The following AHI1 variants were observed in gnomAD, a reference collection of about 807,000 sequenced individuals.
The protein encoded by AHI1 is Abelson helper integration site 1.
A neutral mutation model predicts 149.3 loss-of-function variants in AHI1; 123 were observed. The ratio of observed to expected loss-of-function variants is 0.82; its 90% CI spans 0.71 to 0.96. The LOEUF (loss-of-function observed/expected upper bound fraction) is 0.96, where lower values mean the gene tolerates loss of function less well. Ranked by LOEUF, AHI1 falls within the 40% of genes least tolerant of loss-of-function variation. The pLI, the probability that AHI1 is intolerant of heterozygous loss-of-function variation, is 0.00. For synonymous variants in AHI1, 475 were observed against 459.8 expected, an observed-to-expected ratio of 1.03 and a Z score of -0.42; for missense variants, 1,439 against 1,422.7, an observed-to-expected ratio of 1.01 and a Z score of -0.18.
intron 3 of AHI1, 181 bp from the exon 4 acceptor site, chr6:135,492,472 G>A: frequency 8.2e-7 from 1 of 1,220,114 alleles, no homozygotes. Flanking sequence ...TCAGTTTAGG[G>A]CTCTAAAATC....
intron 20 of AHI1, among the ~76,000 whole-genome samples, chr6:135,412,102 A>G (rs1781684552): frequency 6.6e-6 from 1 of 152,150 alleles, no homozygotes; most frequent in South Asian, 2.1e-4. Context: ...CTTATACTGA[A>G]TACAGTTGGT....
intron 26 of AHI1, among the ~76,000 whole-genome samples, chr6:135,313,625 G>A (rs1785512708): frequency 6.6e-6 from 1 of 152,166 alleles, no homozygotes; most frequent in African/African-American, 2.4e-5. Flanking sequence ...AAAGTCATAG[G>A]AAATTTGAAA....
At chr6:135,333,963 C>T (rs1295738180) in intron 24 of AHI1, among the ~76,000 whole-genome samples, 2 of 152,150 alleles carry the variant, frequency 1.3e-5, no homozygotes, top group African/African-American at 4.8e-5. Context: ...TGTGATCACA[C>T]ATTAACTGAA....
intron 27 of AHI1, among the ~76,000 whole-genome samples, chr6:135,294,535 T>TC (rs1782810866): frequency 6.9e-6 from 1 of 144,768 alleles, no homozygotes; most frequent in Admixed American, 6.9e-5. Context: ...CAAACAACCC[T>TC]CCCCCCAAAA....
At chr6:135,367,330 G>A (rs532933386) in intron 23 of AHI1, among the ~76,000 whole-genome samples, 1 of 152,226 alleles carries the variant, frequency 6.6e-6, no homozygotes, top group African/African-American at 2.4e-5. Context: ...ACCTGATGAT[G>A]TGACTAGGTG....
At chr6:135,332,087 T>C (rs948030736) in intron 24 of AHI1, among the ~76,000 whole-genome samples, 8 of 151,536 alleles carry the variant, frequency 5.3e-5, no homozygotes, top group Non-Finnish European at 1.0e-4. Context: ...TTTTTTTTTT[T>C]CAGACGGAGT....
At position 135,330,745 on chromosome 6, in the gene AHI1, A is replaced by G. The variant is rs372352071; in HGVS notation, c.3166-7421T>C. 1.8e-4 allele frequency among the ~76,000 whole-genome samples: 27 copies of G among 152,338 alleles called. 1 individual carries two copies. The East Asian group carries it at 2.3e-3, about 13-fold the overall frequency. On this transcript the variant is annotated intron_variant, in intron 24 of 28. Coordinates refer to ENST00000265602, the MANE Select transcript of AHI1 (RefSeq NM_001134831.2). ...TTAGGATTATTCCCTTAACACACTG[A>G]AGGACAAAAACAGCGTGGCTCACGG...
At chr6:135,483,313 T>C (rs556838311) in intron 5 of AHI1, among the ~76,000 whole-genome samples, 9 of 152,288 alleles carry the variant, frequency 5.9e-5, no homozygotes, top group East Asian at 5.8e-4. Context: ...AGCACTTATA[T>C]AGGTGAATGA....
chr6:135,343,626 CA>C (rs1247204946), intron 24 of AHI1, among the ~76,000 whole-genome samples: 1 of 148,260 alleles, frequency 6.7e-6, no homozygotes, highest in Non-Finnish European at 1.5e-5. Context: ...GTGCCAAGAC[CA>C]TTAAAAGGAA....
intron 24 of AHI1, among the ~76,000 whole-genome samples, chr6:135,355,910 C>G (rs1376053467): frequency 6.7e-6 from 1 of 148,382 alleles, no homozygotes; most frequent in African/African-American, 2.6e-5. Context: ...AAAAAACAAA[C>G]AAACAAACAA....
chr6:135,452,664 C>G (rs928738260), intron 11 of AHI1, among the ~76,000 whole-genome samples: 3 of 152,018 alleles, frequency 2.0e-5, no homozygotes, highest in Non-Finnish European at 4.4e-5. Flanking sequence ...ACTGAGAAGA[C>G]CTCATCATAA....
intron 11 of AHI1, among the ~76,000 whole-genome samples, chr6:135,451,109 C>T (rs1183064638): frequency 6.6e-6 from 1 of 151,974 alleles, no homozygotes; most frequent in African/African-American, 2.4e-5. Flanking sequence ...CAATCCTCCC[C>T]GCTCAGCCTC....
At chr6:135,354,696 T>C (rs1364658620) in intron 24 of AHI1, among the ~76,000 whole-genome samples, 3 of 152,192 alleles carry the variant, frequency 2.0e-5, no homozygotes, top group Non-Finnish European at 4.4e-5. Flanking sequence ...GATAAGCAAG[T>C]GCAGAGGGAC....
At chr6:135,478,720 CA>C (rs1298708172) in intron 5 of AHI1, among the ~76,000 whole-genome samples, 1 of 152,152 alleles carries the variant, frequency 6.6e-6, no homozygotes, top group African/African-American at 2.4e-5. Context: ...AAAGAAAAGC[CA>C]AATGTTAATA....
At chr6:135,376,146 A>C (rs1489470842) in intron 23 of AHI1, among the ~76,000 whole-genome samples, 1 of 152,144 alleles carries the variant, frequency 6.6e-6, no homozygotes, top group Non-Finnish European at 1.5e-5. Flanking sequence ...TCTACTGAAG[A>C]ATAAGGTGAT....
intron 4 of AHI1, among the ~76,000 whole-genome samples, chr6:135,491,602 A>G (rs1795255876): frequency 6.6e-6 from 1 of 152,366 alleles, no homozygotes; most frequent in Middle Eastern, 3.4e-3. Context: ...ATCTATATAA[A>G]GAAACATATT....
chr6:135,450,216 A>G (rs1167547996), intron 11 of AHI1, among the ~76,000 whole-genome samples: 1 of 152,214 alleles, frequency 6.6e-6, no homozygotes, highest in Non-Finnish European at 1.5e-5. Context: ...AAGAAAACCA[A>G]GGTAACAGAG....
At chr6:135,321,295 T>C (rs1342444033) in intron 25 of AHI1, among the ~76,000 whole-genome samples, 1 of 152,170 alleles carries the variant, frequency 6.6e-6, no homozygotes, top group Admixed American at 6.5e-5. Context: ...AAAAAAGTTA[T>C]ATGTCATTCA....
At chr6:135,325,652 A>C (rs1011264858) in intron 24 of AHI1, among the ~76,000 whole-genome samples, 8 of 152,132 alleles carry the variant, frequency 5.3e-5, no homozygotes, top group African/African-American at 1.4e-4. Context: ...CAAGACTTAA[A>C]CCCAGTCTCA....
Sources: gnomAD v4.1 joint callset for allele counts (sites outside exome capture counted in the v4.1 genomes callset) on GRCh38, gnomAD v4.1.1 for gene constraint, MANE v1.5 for transcripts, NCBI Gene and HGNC (gene_info 2026-07-23, HGNC 2026-07-21) for gene names.